Variants in NRG1 observed in about 807,000 individuals in gnomAD.
NRG1 encodes the protein neuregulin 1, also known as pro-neuregulin-1, membrane-bound isoform.
In NRG1, 18 loss-of-function variants were observed where a neutral mutation model predicts 63.8. That is an observed-to-expected ratio of 0.28 (90% confidence interval 0.19 to 0.42). The LOEUF is 0.42. Among genes scored for constraint, NRG1 ranks in the 10% least tolerant of loss-of-function variants. The pLI, the probability that NRG1 is intolerant of heterozygous loss-of-function variation, is 1.00. For missense variants in NRG1, 762 were observed against 814.7 expected (o/e 0.94, Z 0.79); for synonymous variants, 302 against 301.3 (o/e 1.00, Z -0.02).
chr8:31,855,304 G>T (rs1827736451), intron 1 of NRG1, among the ~76,000 whole-genome samples: 1 of 152,116 alleles, frequency 6.6e-6, no homozygotes, highest in Non-Finnish European at 1.5e-5. Flanking sequence ...TCCTGTATTG[G>T]GTGCATATAT....
At chr8:31,985,820 G>T (rs187750716) in intron 1 of NRG1, among the ~76,000 whole-genome samples, 1 of 152,020 alleles carries the variant, frequency 6.6e-6, no homozygotes, top group South Asian at 2.1e-4. Context: ...TATATTGTCC[G>T]TTCTTAGGGG....
intron 1 of NRG1, among the ~76,000 whole-genome samples, chr8:32,426,636 A>C (rs1563449037): frequency 6.6e-6 from 1 of 152,138 alleles, no homozygotes; most frequent in South Asian, 2.1e-4. Context: ...CTTCTCTCCC[A>C]GTCTCAACAC....
chr8:32,482,395 CTT>C (rs1491437276), intron 1 of NRG1, among the ~76,000 whole-genome samples: 1 of 49,704 alleles, frequency 2.0e-5, no homozygotes, highest in African/African-American at 8.5e-5. Context: ...TTTCTTTCTA[CTT>C]TTGTGTGTGT....
intron 1 of NRG1, among the ~76,000 whole-genome samples, chr8:32,246,720 C>T (rs1286692700): frequency 6.6e-6 from 1 of 151,890 alleles, no homozygotes; most frequent in Non-Finnish European, 1.5e-5. Flanking sequence ...CTTATAGGCA[C>T]AGAAAAACAA....
chr8:32,180,960 A>C (rs1331235892), intron 1 of NRG1, among the ~76,000 whole-genome samples: 2 of 152,070 alleles, frequency 1.3e-5, no homozygotes, highest in African/African-American at 4.8e-5. Flanking sequence ...TGCTTCTATG[A>C]GTTCAACTTT....
chr8:32,598,912 G>A (rs796893045), intron 2 of NRG1, among the ~76,000 whole-genome samples: 6 of 151,956 alleles, frequency 3.9e-5, no homozygotes, highest in Non-Finnish European at 8.8e-5. Flanking sequence ...ATAAGTAGAA[G>A]GAATATAATT....
At position 32,296,741 on chromosome 8, in the gene NRG1, A is replaced by C. The variant is rs149542659; in HGVS notation, c.38-299087A>C. Among the ~76,000 whole-genome samples, 432 of 152,318 alleles carry C rather than the reference A, an allele frequency of 2.8e-3. 11 individuals are homozygous for C. The highest frequency in any genetic ancestry group is 0.024 in the East Asian group (122 of 5,146). On this transcript the variant is annotated intron_variant, in intron 1 of 10. Coordinates refer to the NRG1 transcript ENST00000519301. Reference sequence around the variant, plus strand: ...ATATATAACCTTGGAAAATACACAAAAGACAATAACAAAACACTCAAAGTC... The same window carrying C: ...ATATATAACCTTGGAAAATACACAACAGACAATAACAAAACACTCAAAGTC...
intron 1 of NRG1, among the ~76,000 whole-genome samples, chr8:31,999,821 GGC>G (rs1445462709): frequency 6.6e-6 from 1 of 151,792 alleles, no homozygotes; most frequent in Non-Finnish European, 1.5e-5. Flanking sequence ...GAAAATTAAA[GGC>G]CATACATTTT....
intron 1 of NRG1, among the ~76,000 whole-genome samples, chr8:32,574,131 A>G (rs183129816): frequency 1.3e-5 from 2 of 152,160 alleles, no homozygotes; most frequent in East Asian, 1.9e-4. Flanking sequence ...GTGTGTCTTT[A>G]TAGCAGCATG....
At chr8:32,336,161 T>A (rs574635353) in intron 1 of NRG1, among the ~76,000 whole-genome samples, 1 of 152,348 alleles carries the variant, frequency 6.6e-6, no homozygotes, top group African/African-American at 2.4e-5. Flanking sequence ...TTAGGAGTGG[T>A]CTTCTAATCC....
Position 31,986,981 on chromosome 8 carries a change from T to G in NRG1, c.37+347550T>G, listed in dbSNP as rs540717279. Among the ~76,000 whole-genome samples, 28 of 152,192 alleles carry G rather than the reference T, an allele frequency of 1.8e-4. No homozygotes were observed. The South Asian group carries it at 5.8e-3, about 32-fold the overall frequency. On this transcript the variant is annotated intron_variant, in intron 1 of 10. Coordinates refer to the NRG1 transcript ENST00000519301. ...GTTTCTAATGACAACTTGAATTGAT[T>G]GTAAAATAAGTCTGGCAGTTAAAAT... is the stretch of plus-strand genomic sequence containing the variant.
chr8:32,018,027 C>T (rs1815836210), intron 1 of NRG1, among the ~76,000 whole-genome samples: 1 of 152,170 alleles, frequency 6.6e-6, no homozygotes, highest in Admixed American at 6.5e-5. Context: ...TGCCAGTCCT[C>T]AGTCAAATCA....
At chr8:31,734,816 T>C (rs2131371268) in intron 1 of NRG1, among the ~76,000 whole-genome samples, 2 of 152,282 alleles carry the variant, frequency 1.3e-5, no homozygotes, top group Middle Eastern at 3.4e-3. Context: ...TAGATACACA[T>C]ACCCTCCTCT....
intron 1 of NRG1, among the ~76,000 whole-genome samples, chr8:32,039,276 T>C (rs1819553742): frequency 6.6e-6 from 1 of 152,226 alleles, no homozygotes; most frequent in South Asian, 2.1e-4. Context: ...AGATGCTTAA[T>C]CTTTCCTTCC....
At chr8:31,756,373 G>T (rs1816966105) in intron 1 of NRG1, among the ~76,000 whole-genome samples, 1 of 152,194 alleles carries the variant, frequency 6.6e-6, no homozygotes, top group East Asian at 1.9e-4. Flanking sequence ...GGAGGAAGGG[G>T]TACAGCTTGT....
intron 5 of NRG1, among the ~76,000 whole-genome samples, chr8:32,697,313 C>A (rs1227894416): frequency 6.6e-6 from 1 of 152,152 alleles, no homozygotes; most frequent in Non-Finnish European, 1.5e-5. Context: ...ATAGATATTT[C>A]TTAGAGATGC....
At chr8:32,734,981 C>T (rs1824636656) in intron 6 of NRG1, among the ~76,000 whole-genome samples, 1 of 152,090 alleles carries the variant, frequency 6.6e-6, no homozygotes, top group East Asian at 1.9e-4. Flanking sequence ...AATCATGTTT[C>T]ATGTAATTAA....
chr8:31,755,546 A>T (rs1451578379), intron 1 of NRG1, among the ~76,000 whole-genome samples: 2 of 152,134 alleles, frequency 1.3e-5, no homozygotes, highest in African/African-American at 4.8e-5. Flanking sequence ...GGAAGTAAAT[A>T]ACGTGTTTCT....
chr8:32,284,505 TCC>T (rs1853282567), intron 1 of NRG1, among the ~76,000 whole-genome samples: 1 of 133,550 alleles, frequency 7.5e-6, no homozygotes. Context: ...CTTCCTTCCT[TCC>T]TTCCTTCCTT....
Sources: gnomAD v4.1 joint callset for allele counts (sites outside exome capture counted in the v4.1 genomes callset) on GRCh38, gnomAD v4.1.1 for gene constraint, MANE v1.5 for transcripts, NCBI Gene and HGNC (gene_info 2026-07-23, HGNC 2026-07-21) for gene names.